PCNX1: variants seen among roughly 807,000 people sequenced by gnomAD.
The protein encoded by PCNX1 is pecanex-like protein 1.
PCNX1 carries 78 observed loss-of-function variants against 242.2 expected under a neutral mutation model. The observed-to-expected ratio is 0.32, with a 90% confidence interval of 0.27 to 0.39. PCNX1 has a LOEUF of 0.39. PCNX1 is among the 10% of genes least tolerant of loss of function. The pLI, the probability that PCNX1 is intolerant of heterozygous loss-of-function variation, is 1.00. For missense variants in PCNX1, 2,581 were observed against 2,856.5 expected (o/e 0.90, Z 2.20); for synonymous variants, 1,024 against 1,032.9 (o/e 0.99, Z 0.17).
chr14:70,985,519 G>A (rs1169551587), intron 6 of PCNX1, among the ~76,000 whole-genome samples: 1 of 152,072 alleles, frequency 6.6e-6, no homozygotes, highest in Non-Finnish European at 1.5e-5. Context: ...AGGCCTGAAG[G>A]TTCCTCTTAA....
intron 18 of PCNX1, among the ~76,000 whole-genome samples, chr14:71,034,733 A>G (rs1464568751): frequency 3.9e-5 from 6 of 152,214 alleles, no homozygotes; most frequent in African/African-American, 1.4e-4. Flanking sequence ...CTTTCAGTGC[A>G]CTTGACCTGT....
intron 25 of PCNX1, among the ~76,000 whole-genome samples, chr14:71,055,918 A>T (rs1391192459): frequency 1.3e-5 from 2 of 152,054 alleles, no homozygotes; most frequent in African/African-American, 4.8e-5. Flanking sequence ...GTTTCCTTCC[A>T]CCCTTCCCTC....
At chr14:71,000,526 A>AT (rs3083305) in intron 8 of PCNX1, among the ~76,000 whole-genome samples, 20,899 of 126,668 alleles carry the variant, frequency 0.16, 2,104 homozygotes, top group South Asian at 0.27. Flanking sequence ...CTGTCCCTTG[A>AT]TTTTTTTTTT....
At chr14:71,016,480 A>G (rs762617107) in intron 11 of PCNX1, among the ~76,000 whole-genome samples, 17 of 152,208 alleles carry the variant, frequency 1.1e-4, no homozygotes, top group African/African-American at 2.7e-4. Context: ...ATTTACTAAG[A>G]TAGTTCACAT....
chr14:71,109,402 TTCA>T (rs1296005934), intron 34 of PCNX1, 47 bp from the exon 35 acceptor site: 4 of 1,522,904 alleles, frequency 2.6e-6, no homozygotes, highest in Non-Finnish European at 3.6e-6. Context: ...TACATAATTT[TTCA>T]TCATCAAGAA....
At chr14:71,057,264 A>C (rs1043969692) in intron 25 of PCNX1, among the ~76,000 whole-genome samples, 3 of 152,252 alleles carry the variant, frequency 2.0e-5, no homozygotes, top group South Asian at 2.1e-4. Context: ...GCTTCAAATC[A>C]AATTCTCACA....
At chr14:71,058,686 T>A (rs1011945614) in intron 26 of PCNX1, among the ~76,000 whole-genome samples, 4 of 152,254 alleles carry the variant, frequency 2.6e-5, no homozygotes, top group Non-Finnish European at 5.9e-5. Flanking sequence ...AGCTATGTAG[T>A]GTCTATGTTA....
At chr14:71,107,118 C>G (rs1333880357) in intron 33 of PCNX1, among the ~76,000 whole-genome samples, 4 of 152,126 alleles carry the variant, frequency 2.6e-5, no homozygotes, top group African/African-American at 9.7e-5. Context: ...TCAACTGTCT[C>G]CATATGGCTG....
chr14:70,992,271 A>G (rs2059188030), intron 7 of PCNX1, among the ~76,000 whole-genome samples: 1 of 152,128 alleles, frequency 6.6e-6, no homozygotes, highest in South Asian at 2.1e-4. Flanking sequence ...CATTTCAGGG[A>G]AGGGGAAAAA....
At chr14:71,057,044 C>T (rs890022270) in intron 25 of PCNX1, among the ~76,000 whole-genome samples, 1 of 152,236 alleles carries the variant, frequency 6.6e-6, no homozygotes, top group South Asian at 2.1e-4. Context: ...TTAGCCATCT[C>T]AATATGGCTA....
At chr14:70,988,347 CA>C (rs1447624926) in intron 6 of PCNX1, among the ~76,000 whole-genome samples, 1 of 152,078 alleles carries the variant, frequency 6.6e-6, no homozygotes, top group Non-Finnish European at 1.5e-5. Context: ...GATAATAAGT[CA>C]AAAACATTAT....
At position 71,109,946 on chromosome 14, in the gene PCNX1, A is replaced by G. The variant is rs200107141; in HGVS notation, c.*11A>G. On this transcript the variant is annotated 3_prime_UTR_variant, in exon 36 of 36. Coordinates refer to ENST00000304743, the MANE Select transcript of PCNX1 (RefSeq NM_014982.3). ...GGGGCTGAAGTGTGAGCCAGTGTTT[A>G]TTATAAAGACATTTCTTTTTCCCTC... 7 of 1,611,730 alleles carry G rather than the reference A, an allele frequency of 4.3e-6. No homozygotes were observed. Among genetic ancestry groups the G allele is most frequent in the Middle Eastern group, 1.7e-4 (1 of 6,056 alleles).
chr14:71,012,652 A>G, intron 10 of PCNX1: 1 of 306,424 alleles, frequency 3.3e-6, no homozygotes, highest in South Asian at 2.8e-5. Context: ...CAAGATGGTA[A>G]AATCCCGTCT....
Position 70,995,756 on chromosome 14 carries a change from G to A in PCNX1, c.2460G>A (p.Gln820=), listed in dbSNP as rs1032438600. 6.2e-7 allele frequency: 1 copy of A among 1,613,936 alleles called. No individual in the cohort carries two copies. Among genetic ancestry groups the A allele is most frequent in the Non-Finnish European group, 8.5e-7 (1 of 1,179,908 alleles). The change falls in exon 8 of 36, where the codon CAG becomes CAA. Residue 820 remains glutamine, a synonymous_variant. Coordinates refer to ENST00000304743, the MANE Select transcript of PCNX1 (RefSeq NM_014982.3). ...IGSPLSLQDG[Q]QGQQSTAQVK... ...TTTTTCCTAGCCTTCAAGATGGTCA[G>A]CAAGGCCAGCAGTCCACAGCCCAGG...
intron 2 of PCNX1, 60 bp from the exon 3 acceptor site, chr14:70,962,165 AG>A (rs2058238412): frequency 1.0e-6 from 1 of 1,004,412 alleles, no homozygotes; most frequent in Non-Finnish European, 1.5e-6. Flanking sequence ...AAATTAACAA[AG>A]GAAAAGCATT....
chr14:71,006,876 T>C (rs1308040216), intron 8 of PCNX1, among the ~76,000 whole-genome samples: 1 of 152,208 alleles, frequency 6.6e-6, no homozygotes, highest in Non-Finnish European at 1.5e-5. Flanking sequence ...ACTTGTTCTT[T>C]TGGAGTGAAG....
chr14:71,030,179 A>AACCTGTT (rs2060343005), intron 16 of PCNX1, among the ~76,000 whole-genome samples: 1 of 152,132 alleles, frequency 6.6e-6, no homozygotes, highest in African/African-American at 2.4e-5. Context: ...GCAATCTCCT[A>AACCTGTT]ACCTGTTTTA....
chr14:70,963,591 C>A (rs1156253685), intron 3 of PCNX1, among the ~76,000 whole-genome samples: 1 of 152,088 alleles, frequency 6.6e-6, no homozygotes, highest in East Asian at 1.9e-4. Context: ...GTCTTGTTTT[C>A]TAATATATTT....
Position 70,944,804 on chromosome 14 carries a change from A to G in PCNX1, c.154-2111A>G, listed in dbSNP as rs888959665. The stretch of plus-strand genomic sequence containing the variant: ...GCATTTCTGCCCTTCAGTTCTTGTG[A>G]TAATCAGTGAGTTCTCATGAGAACT... On this transcript the variant is annotated intron_variant, in intron 1 of 35. Transcript: ENST00000304743. 1.3e-4 allele frequency among the ~76,000 whole-genome samples: 20 copies of G among 152,244 alleles called. No individual in the cohort carries two copies. The East Asian group carries it at 1.7e-3, about 13-fold the overall frequency.
Sources: allele counts gnomAD v4.1 joint callset (sites outside exome capture counted in the v4.1 genomes callset), GRCh38; gene constraint gnomAD v4.1.1; transcripts MANE v1.5; gene names NCBI Gene and HGNC (gene_info 2026-07-23, HGNC 2026-07-21).